The following BRINP3 variants were observed in gnomAD, a reference collection of about 807,000 sequenced individuals.
The protein encoded by BRINP3 is BMP/retinoic acid-inducible neural-specific protein 3.
In BRINP3, 19 loss-of-function variants were observed where a neutral mutation model predicts 71.0. The ratio of observed to expected loss-of-function variants is 0.27; its 90% CI spans 0.19 to 0.39. The LOEUF (loss-of-function observed/expected upper bound fraction) is 0.39. Ranked by LOEUF, BRINP3 falls within the 10% of genes least tolerant of loss-of-function variation. The pLI is 1.00. For missense variants in BRINP3, 959 were observed against 940.8 expected (o/e 1.02, Z -0.25); for synonymous variants, 380 against 337.7 (o/e 1.13, Z -1.37).
At chr1:190,361,468 T>C (rs1185688940) in intron 2 of BRINP3, among the ~76,000 whole-genome samples, 1 of 152,136 alleles carries the variant, frequency 6.6e-6, no homozygotes, top group Non-Finnish European at 1.5e-5. Flanking sequence ...AGTGGCACTA[T>C]TTCAGTTCAC....
At chr1:190,422,633 A>G (rs1558272997) in intron 2 of BRINP3, among the ~76,000 whole-genome samples, 1 of 151,838 alleles carries the variant, frequency 6.6e-6, no homozygotes, top group Non-Finnish European at 1.5e-5. Flanking sequence ...ATGATTTTTC[A>G]TCTGTAAGTA....
At chr1:190,450,596 A>G (rs1675541985) in intron 2 of BRINP3, among the ~76,000 whole-genome samples, 1 of 152,088 alleles carries the variant, frequency 6.6e-6, no homozygotes, top group African/African-American at 2.4e-5. Context: ...TACTTGTCCA[A>G]TTCTTATTCC....
intron 7 of BRINP3, among the ~76,000 whole-genome samples, chr1:190,103,953 C>T (rs1466455130): frequency 2.0e-5 from 3 of 150,618 alleles, no homozygotes; most frequent in South Asian, 4.2e-4. Flanking sequence ...TTTGTAAATG[C>T]TAATCCCATT....
chr1:190,383,707 T>C (rs1670698454), intron 2 of BRINP3, among the ~76,000 whole-genome samples: 1 of 152,044 alleles, frequency 6.6e-6, no homozygotes, highest in African/African-American at 2.4e-5. Context: ...TTTCTTAGCA[T>C]AGATAGTCAG....
chr1:190,301,210 T>TATATATATACACATAC (rs1558160701), intron 2 of BRINP3, among the ~76,000 whole-genome samples: 1 of 107,828 alleles, frequency 9.3e-6, no homozygotes, highest in African/African-American at 4.1e-5. Context: ...CATACATATA[T>TATATATATACACATAC]ATATATATAT....
chr1:190,262,708 C>T (rs1661293044), intron 4 of BRINP3, among the ~76,000 whole-genome samples: 1 of 152,300 alleles, frequency 6.6e-6, no homozygotes, highest in East Asian at 1.9e-4. Context: ...TTCCAGATTA[C>T]TCTTTCTTCC....
chr1:190,158,963 C>T (rs927098309), intron 7 of BRINP3, among the ~76,000 whole-genome samples: 2 of 151,766 alleles, frequency 1.3e-5, no homozygotes, highest in Non-Finnish European at 2.9e-5. Context: ...GTATATCATA[C>T]AACTGATAGG....
At chr1:190,207,933 ATGTGTAATACATAT>A (rs1365815753) in intron 6 of BRINP3, among the ~76,000 whole-genome samples, 1 of 152,012 alleles carries the variant, frequency 6.6e-6, no homozygotes, top group Non-Finnish European at 1.5e-5. Context: ...TCTAGGTAAA[ATGTGTAATACATAT>A]TGTGTAATAC....
intron 1 of BRINP3, among the ~76,000 whole-genome samples, chr1:190,466,922 C>T (rs1168136690): frequency 6.6e-6 from 1 of 151,272 alleles, no homozygotes; most frequent in African/African-American, 2.4e-5. Context: ...GGAAATGTTT[C>T]CATTAAAAAG....
Position 190,417,401 on chromosome 1 carries a change from C to T in BRINP3, c.236+37254G>A, listed in dbSNP as rs1042589289. Among the ~76,000 whole-genome samples the T allele has an allele frequency of 1.6e-4, 25 of 151,986 alleles. 1 individual carries two copies. The highest frequency in any genetic ancestry group is 5.6e-4 in the African/African-American group (23 of 41,398). ...ATATTTGGCAGAATTCTTCTTGTAT[C>T]GATCAATACAATATACCTATTATCT... On this transcript the variant is annotated intron_variant, in intron 2 of 7. Coordinates refer to ENST00000367462, the MANE Select transcript of BRINP3 (RefSeq NM_199051.3).
intron 2 of BRINP3, among the ~76,000 whole-genome samples, chr1:190,286,467 T>G (rs971209966): frequency 6.6e-6 from 1 of 152,134 alleles, no homozygotes; most frequent in Non-Finnish European, 1.5e-5. Context: ...TATGTTTGGC[T>G]TTCCCAAAAC....
chr1:190,373,475 T>C (rs1669997482), intron 2 of BRINP3, among the ~76,000 whole-genome samples: 1 of 151,778 alleles, frequency 6.6e-6, no homozygotes. Context: ...TATATATGTA[T>C]ATATGTGTGT....
chr1:190,267,504 A>G lies in BRINP3; in HGVS notation c.428-2449T>C, dbSNP rs532051180. Reference sequence around the variant, plus strand: ...GAGAGAAATATCTATAACATACATGAGTTAACTACATGATTCTAAAATCAA... The same window carrying G: ...GAGAGAAATATCTATAACATACATGGGTTAACTACATGATTCTAAAATCAA... On this transcript the variant is annotated intron_variant, in intron 3 of 7. Transcript: ENST00000367462. 3.9e-5 allele frequency among the ~76,000 whole-genome samples: 6 copies of G among 152,000 alleles called. No homozygotes were observed. In the East Asian group the frequency reaches 9.7e-4, roughly 24 times the overall value.
rs1371633497 is a variant in BRINP3, at chr1:190,439,190, G to GC, written c.236+15464dup. On this transcript the variant is annotated intron_variant, in intron 2 of 7. Transcript: ENST00000367462. Reference sequence around the variant, plus strand: ...CATAAAAATAAATGTAACTTACCCTGCACTCTTATCTTCCACTCTTCCTAG... The same window carrying GC: ...CATAAAAATAAATGTAACTTACCCTGCCACTCTTATCTTCCACTCTTCCTAG... Among the ~76,000 whole-genome samples the GC allele has an allele frequency of 6.6e-5, 10 of 151,786 alleles. No homozygotes were observed. In the South Asian group the frequency reaches 2.1e-3, roughly 32 times the overall value.
intron 2 of BRINP3, among the ~76,000 whole-genome samples, chr1:190,420,843 G>A (rs1177042725): frequency 2.0e-5 from 3 of 151,830 alleles, no homozygotes; most frequent in South Asian, 2.1e-4. Flanking sequence ...AAAGGAGAAT[G>A]TTAGAAAAAG....
chr1:190,418,790 C>T (rs1673170669), intron 2 of BRINP3, among the ~76,000 whole-genome samples: 1 of 151,928 alleles, frequency 6.6e-6, no homozygotes, highest in South Asian at 2.1e-4. Flanking sequence ...TATTGTGATC[C>T]TCCTCATACT....
intron 2 of BRINP3, among the ~76,000 whole-genome samples, chr1:190,314,981 G>A (rs1665785931): frequency 6.6e-6 from 1 of 152,084 alleles, no homozygotes; most frequent in South Asian, 2.1e-4. Flanking sequence ...TAAAATAGAA[G>A]TTAAAATCAG....
At chr1:190,167,477 C>A (rs1163831611) in intron 6 of BRINP3, among the ~76,000 whole-genome samples, 1 of 152,058 alleles carries the variant, frequency 6.6e-6, no homozygotes, top group Non-Finnish European at 1.5e-5. Flanking sequence ...GAGTTTACTA[C>A]TAATAGAGAT....
At chr1:190,262,933 T>C (rs1174933306) in intron 4 of BRINP3, among the ~76,000 whole-genome samples, 2 of 152,064 alleles carry the variant, frequency 1.3e-5, no homozygotes, top group Non-Finnish European at 2.9e-5. Flanking sequence ...ATTTCTTTTT[T>C]TGTGCCACAT....
Sources: gnomAD v4.1 joint callset for allele counts (sites outside exome capture counted in the v4.1 genomes callset) on GRCh38, gnomAD v4.1.1 for gene constraint, MANE v1.5 for transcripts, NCBI Gene and HGNC (gene_info 2026-07-23, HGNC 2026-07-21) for gene names.